ANO1: variants seen among roughly 807,000 people sequenced by gnomAD.
The protein encoded by ANO1 is anoctamin-1.
In ANO1, 59 loss-of-function variants were observed where a neutral mutation model predicts 124.0. That is an observed-to-expected ratio of 0.48 (90% CI 0.39 to 0.59). The LOEUF (loss-of-function observed/expected upper bound fraction) is 0.59, where lower values mean the gene tolerates loss of function less well. Among genes scored for constraint, ANO1 ranks in the 20% least tolerant of loss-of-function variants. The pLI is 0.00. For synonymous variants in ANO1, 529 were observed against 532.0 expected (o/e 0.99, Z 0.08); for missense variants, 1,059 against 1,328.0 (o/e 0.80, Z 3.15).
intron 23 of ANO1, among the ~76,000 whole-genome samples, chr11:70,182,055 G>A (rs1014567689): frequency 6.6e-6 from 1 of 152,072 alleles, no homozygotes; most frequent in Non-Finnish European, 1.5e-5. Context: ...AGAATGAGCC[G>A]GGTGAGGACT....
chr11:70,152,653 G>A (rs375307246), intron 13 of ANO1, among the ~76,000 whole-genome samples, 192 bp downstream of exon 13: 4 of 152,152 alleles, frequency 2.6e-5, no homozygotes, highest in African/African-American at 7.2e-5. Flanking sequence ...GCTGACCTGC[G>A]CTGAGCTCCC....
intron 4 of ANO1, among the ~76,000 whole-genome samples, chr11:70,105,079 C>T (rs7947409): frequency 0.51 from 77,445 of 151,800 alleles, 20,714 homozygotes; most frequent in South Asian, 0.66. Flanking sequence ...CCAGGACCCC[C>T]GCCGACCTCC....
At chr11:69,988,666 G>A (rs1554997136) in intron 1 of ANO1, among the ~76,000 whole-genome samples, 1 of 152,160 alleles carries the variant, frequency 6.6e-6, no homozygotes, top group Non-Finnish European at 1.5e-5. Context: ...CTCCCATTCT[G>A]CCTACTTAGC....
At chr11:70,108,442 T>C in intron 6 of ANO1, 38 bp downstream of exon 6, 1 of 1,602,954 alleles carries the variant, frequency 6.2e-7, no homozygotes, top group Non-Finnish European at 8.5e-7. Flanking sequence ...AGCATTGGTT[T>C]CCAAGTCGGA....
chr11:70,143,376 G>A lies in ANO1; in HGVS notation c.1259-6334G>A, dbSNP rs187349464. ...CGCCAGCCAGCTAAGGAGGTGCCGC[G>A]AAATTAGGGAAATTGGAGTGAAGCC... On this transcript the variant is annotated intron_variant, in intron 11 of 25. Coordinates refer to ENST00000355303, the MANE Select transcript of ANO1 (RefSeq NM_018043.7). Among the ~76,000 whole-genome samples the A allele has an allele frequency of 4.8e-3, 731 of 152,274 alleles. 1 individual carries two copies. Among genetic ancestry groups the A allele is most frequent in the Non-Finnish European group, 8.9e-3 (603 of 68,018 alleles).
At chr11:70,037,863 G>A (rs7929885) in intron 1 of ANO1, among the ~76,000 whole-genome samples, 36,381 of 152,054 alleles carry the variant, frequency 0.24, 4,945 homozygotes, top group South Asian at 0.33. Context: ...GGGAAACTGA[G>A]GCAGGTAAGA....
At chr11:70,166,947 A>T (rs2048277820) in intron 20 of ANO1, among the ~76,000 whole-genome samples, 1 of 152,110 alleles carries the variant, frequency 6.6e-6, no homozygotes, top group Non-Finnish European at 1.5e-5. Context: ...GGAGTTCAAG[A>T]CCGGCCTGGG....
intron 4 of ANO1, 126 bp from the exon 5 acceptor site, chr11:70,105,608 G>A (rs745334937): frequency 6.2e-5 from 54 of 872,626 alleles, no homozygotes; most frequent in South Asian, 1.8e-4. Context: ...CCTGGCGTGC[G>A]GACAGAGTTC....
rs375332588 is a variant in ANO1 at position 70,132,006 on chromosome 11, C to T, written c.1185C>T (p.Cys395=). 2.8e-5 allele frequency: 45 copies of T among 1,607,322 alleles called. No homozygotes were observed. Among genetic ancestry groups the T allele is most frequent in the Non-Finnish European group, 3.5e-5 (41 of 1,178,600 alleles). The change falls in exon 11 of 26, where the codon TGC becomes TGT. Residue 395 remains cysteine (C), a synonymous_variant. Transcript: ENST00000355303. The part of the protein sequence containing the change: ...TCSYWKMSSA[C]ATARASHLFD... ...GCTACTGGAAGATGAGCTCAGCCTG[C>T]GCCACGGCCCGCGCCAGCCACCTCT...
intron 1 of ANO1, among the ~76,000 whole-genome samples, chr11:70,079,034 G>T (rs541822673): frequency 1.3e-5 from 2 of 152,246 alleles, no homozygotes; most frequent in Admixed American, 1.3e-4. Flanking sequence ...GCAGCTCGGA[G>T]CCCAACCAAG....
chr11:70,044,339 G>A (rs1555005348), intron 1 of ANO1, among the ~76,000 whole-genome samples: 1 of 151,950 alleles, frequency 6.6e-6, no homozygotes, highest in Non-Finnish European at 1.5e-5. Context: ...AAATGTAAAT[G>A]GTCTACACAC....
intron 10 of ANO1, among the ~76,000 whole-genome samples, chr11:70,130,579 G>A (rs532585123): frequency 2.6e-5 from 4 of 152,320 alleles, no homozygotes; most frequent in South Asian, 2.1e-4. Context: ...TCTCGCCGCC[G>A]ATAGCCTGGA....
chr11:70,086,664 G>A (rs566044178), intron 1 of ANO1, among the ~76,000 whole-genome samples: 26 of 152,354 alleles, frequency 1.7e-4, no homozygotes, highest in Middle Eastern at 3.4e-3. Flanking sequence ...GGGCCAGAGC[G>A]GGTGCATGAT....
At chr11:70,169,448 C>A (rs114847464) in intron 21 of ANO1, among the ~76,000 whole-genome samples, 3 of 150,186 alleles carry the variant, frequency 2.0e-5, no homozygotes, top group Non-Finnish European at 4.4e-5. Flanking sequence ...CCCACCTCCC[C>A]GCCCCCCTGC....
chr11:69,981,052 A>C (rs1855955857), upstream of ANO1, among the ~76,000 whole-genome samples: 1 of 152,226 alleles, frequency 6.6e-6, no homozygotes. Flanking sequence ...ACTCCTTTAC[A>C]AAAAAATAAA....
At chr11:70,065,648 C>T (rs1318472344) in intron 1 of ANO1, among the ~76,000 whole-genome samples, 1 of 151,242 alleles carries the variant, frequency 6.6e-6, no homozygotes, top group African/African-American at 2.4e-5. Flanking sequence ...CCCTAGTTGG[C>T]CTGGCCCTCC....
At position 70,185,671 on chromosome 11, in the gene ANO1, G is replaced by T; in HGVS notation, c.2670G>T (p.Arg890=). 6.2e-7 allele frequency: 1 copy of T among 1,613,902 alleles called. No individual in the cohort carries two copies. Residue 890 remains arginine (R), a synonymous_variant, in exon 25 of 26, where the codon CGG becomes CGT. Transcript: ENST00000355303. The stretch of plus-strand genomic sequence containing the variant: ...ACTTCTGGGCCGTCCTGGCAGCCCG[G>T]CTGGCGTTTGTCATCGTCTTCCAGG... ...SKDFWAVLAA[R]LAFVIVFQNL... is the part of the protein sequence containing the mutation.
At chr11:69,974,954 A>G in the ANO1 span, among the ~76,000 whole-genome samples, 1 of 151,672 alleles carries the variant, frequency 6.6e-6, no homozygotes, top group South Asian at 2.1e-4. Flanking sequence ...GTGGGGACAC[A>G]GGGAGAAGGT....
At chr11:70,095,276 G>GA (rs1280344944) in intron 2 of ANO1, among the ~76,000 whole-genome samples, 10 of 96,780 alleles carry the variant, frequency 1.0e-4, no homozygotes, top group African/African-American at 3.1e-4. Context: ...AGGAAGGAAG[G>GA]AAGGAAGGAA....
Sources: allele counts gnomAD v4.1 joint callset (sites outside exome capture counted in the v4.1 genomes callset), GRCh38; gene constraint gnomAD v4.1.1; transcripts MANE v1.5; gene names NCBI Gene and HGNC (gene_info 2026-07-23, HGNC 2026-07-21).